PCDHGA2: variants seen among roughly 807,000 people sequenced by gnomAD.
PCDHGA2 encodes the protein protocadherin gamma subfamily A, 2, also known as protocadherin gamma-A2.
Under a neutral mutation model 59.2 loss-of-function variants are expected in PCDHGA2, and 40 were observed. The ratio of observed to expected loss-of-function variants is 0.68; its 90% CI spans 0.52 to 0.88. PCDHGA2 has a LOEUF of 0.88. Among genes scored for constraint, PCDHGA2 ranks in the 40% least tolerant of loss-of-function variants. PCDHGA2 has a pLI of 0.00. For synonymous variants in PCDHGA2, 560 were observed against 526.0 expected, an observed-to-expected ratio of 1.06 and a Z score of -0.89; for missense variants, 1,226 against 1,204.0, an observed-to-expected ratio of 1.02 and a Z score of -0.27.
At chr5:141,427,982 G>A in intron 1 of PCDHGA2, 1 of 1,596,754 alleles carries the variant, frequency 6.3e-7, no homozygotes, top group Non-Finnish European at 8.6e-7. Flanking sequence ...CCGCGCTGGG[G>A]CCCGATGGCT....
intron 1 of PCDHGA2, chr5:141,343,458 G>C: frequency 1.2e-6 from 1 of 805,678 alleles, no homozygotes; most frequent in Non-Finnish European, 1.5e-6. Context: ...TCAAGGTTCA[G>C]TGGTGGAAGA....
chr5:141,436,035 A>G (rs957896521), intron 1 of PCDHGA2, among the ~76,000 whole-genome samples: 3 of 152,178 alleles, frequency 2.0e-5, no homozygotes, highest in Non-Finnish European at 4.4e-5. Flanking sequence ...CTAAATTTGT[A>G]TTTACATTAG....
intron 1 of PCDHGA2, chr5:141,346,462 GT>G: frequency 6.2e-7 from 1 of 1,613,952 alleles, no homozygotes; most frequent in Non-Finnish European, 8.5e-7. Context: ...CTTCAGGTGA[GT>G]TTATTTATTT....
intron 1 of PCDHGA2, among the ~76,000 whole-genome samples, chr5:141,453,225 C>T (rs2098758997): frequency 6.6e-6 from 1 of 152,044 alleles, no homozygotes; most frequent in African/African-American, 2.4e-5. Context: ...GCGATCCTCC[C>T]ACCTCAGCCT....
At chr5:141,345,869 C>A (rs760004877) in intron 1 of PCDHGA2, 2 of 1,613,278 alleles carry the variant, frequency 1.2e-6, no homozygotes, top group Non-Finnish European at 1.7e-6. Context: ...TCAAGGCCAG[C>A]GAGCCGGGAC....
intron 1 of PCDHGA2, among the ~76,000 whole-genome samples, chr5:141,358,782 T>C (rs1761019410): frequency 6.6e-6 from 1 of 152,248 alleles, no homozygotes; most frequent in Non-Finnish European, 1.5e-5. Flanking sequence ...AAGGTTGAGT[T>C]ACTTGGGTTC....
At chr5:141,418,752 C>T (rs2096284996) in intron 1 of PCDHGA2, 1 of 1,613,874 alleles carries the variant, frequency 6.2e-7, no homozygotes, top group African/African-American at 1.3e-5. Flanking sequence ...GATTACACTA[C>T]AGGAAACATT....
chr5:141,394,740 G>A (rs148904388), intron 1 of PCDHGA2: 174 of 1,613,404 alleles, frequency 1.1e-4, no homozygotes, highest in Non-Finnish European at 1.4e-4. Flanking sequence ...GCAGAGCCTC[G>A]TGGTGGCCGT....
intron 1 of PCDHGA2, chr5:141,356,414 T>C: frequency 6.2e-7 from 1 of 1,602,126 alleles, no homozygotes; most frequent in Non-Finnish European, 8.5e-7. Context: ...TATCGGTTGT[T>C]GACACACAGA....
rs781267293 is a variant in PCDHGA2 at position 141,489,926 on chromosome 5, C to T, written c.2425-4881C>T. 1.2e-6 allele frequency: 2 copies of T among 1,614,222 alleles called. No individual in the cohort carries two copies. The highest frequency in any genetic ancestry group is 2.2e-5 in the East Asian group (1 of 44,878). On this transcript the variant is annotated intron_variant, in intron 1 of 3. Coordinates refer to ENST00000394576, the MANE Select transcript of PCDHGA2 (RefSeq NM_018915.4). The surrounding 1 kb of genome is among the most constrained non-coding windows in gnomAD (Gnocchi z 4.5). Reference sequence around the variant, plus strand: ...GCCCGCTCAGGGACCACCCTTATCTCTGTCATCGTGCTGGACATCAATGAT... The same window carrying T: ...GCCCGCTCAGGGACCACCCTTATCTTTGTCATCGTGCTGGACATCAATGAT...
chr5:141,408,636 C>T (rs1236637669), intron 1 of PCDHGA2: 2 of 1,614,024 alleles, frequency 1.2e-6, no homozygotes. Flanking sequence ...ATTTTCGAAT[C>T]TGCATCCGCT....
chr5:141,485,357 C>T lies in PCDHGA2; in HGVS notation c.2425-9450C>T. ...GCTGGATACGGACAGTCTGTCAGCT[C>T]GCAGGCTGCAGGTCGCTGGAGAGGT... On this transcript the variant is annotated intron_variant, in intron 1 of 3. Transcript: ENST00000394576. The surrounding 1 kb of genome is among the most constrained non-coding windows in gnomAD (Gnocchi z 5.7). 1.2e-6 allele frequency: 2 copies of T among 1,614,084 alleles called. No individual in the cohort carries two copies. The highest frequency in any genetic ancestry group is 1.1e-5 in the South Asian group (1 of 91,070).
chr5:141,384,503 A>G lies in PCDHGA2; in HGVS notation c.2424+43108A>G, dbSNP rs761415530. 6 of 1,614,192 alleles carry G rather than the reference A, an allele frequency of 3.7e-6. No homozygotes were observed. The highest frequency in any genetic ancestry group is 5.1e-6 in the Non-Finnish European group (6 of 1,180,018). ...GAACTACAACTAAGAGTGACTGCAC[A>G]TGACAGCGGGGACCCGCCTCTCAGC... On this transcript the variant is annotated intron_variant, in intron 1 of 3. Transcript: ENST00000394576.
chr5:141,376,485 A>G (rs1772740075), intron 1 of PCDHGA2: 1 of 1,614,056 alleles, frequency 6.2e-7, no homozygotes, highest in Non-Finnish European at 8.5e-7. Context: ...CTTGAAACGA[A>G]AGGAGAACCC....
intron 1 of PCDHGA2, chr5:141,395,547 TGTGTGTGTGTGTGTGTGTGTGTGTG>T: frequency 5.8e-6 from 1 of 173,894 alleles, no homozygotes; most frequent in Admixed American, 6.5e-5. Context: ...ATTGTTTGTG[TGTGTGTGTGTGTGTGTGTGTGTGTG>T]TGTGTGTGTG....
chr5:141,365,231 A>G, intron 1 of PCDHGA2: 1 of 1,613,980 alleles, frequency 6.2e-7, no homozygotes, highest in Non-Finnish European at 8.5e-7. Flanking sequence ...CCTGGGGGAA[A>G]TCTCAACTCT....
chr5:141,377,395 C>T (rs1468880998), intron 1 of PCDHGA2: 1 of 151,984 alleles, frequency 6.6e-6, no homozygotes, highest in Non-Finnish European at 1.5e-5. Context: ...CCCTTGAGAC[C>T]AGGAGTTTGA....
chr5:141,409,753 G>T, intron 1 of PCDHGA2: 1 of 1,613,006 alleles, frequency 6.2e-7, no homozygotes. Context: ...TGTTCGCGCA[G>T]CGCGCCTTTG....
At position 141,410,457 on chromosome 5, in the gene PCDHGA2, A is replaced by G. The variant is rs372920524; in HGVS notation, c.2424+69062A>G. 1.2e-6 allele frequency: 2 copies of G among 1,614,044 alleles called. No homozygotes were observed. ...AGTGAGGGGACTTTGCCTTATTCTTATAATCTGTGCATTGCACATACGGGT... is the reference window on the plus strand; with the variant it reads ...AGTGAGGGGACTTTGCCTTATTCTTGTAATCTGTGCATTGCACATACGGGT... On this transcript the variant is annotated intron_variant, in intron 1 of 3. Transcript: ENST00000394576.
Sources: allele counts gnomAD v4.1 joint callset (sites outside exome capture counted in the v4.1 genomes callset), GRCh38; gene constraint gnomAD v4.1.1; non-coding constraint Gnocchi (gnomAD v3.1); transcripts MANE v1.5; gene names NCBI Gene and HGNC (gene_info 2026-07-23, HGNC 2026-07-21).